Variants in PPP1R1C observed in about 807,000 individuals in gnomAD.
PPP1R1C encodes the protein protein phosphatase 1 regulatory subunit 1C.
A neutral mutation model predicts 17.4 loss-of-function variants in PPP1R1C; 15 were observed. The ratio of observed to expected loss-of-function variants is 0.86; its 90% CI spans 0.58 to 1.33. The LOEUF is 1.33. PPP1R1C is among the 40% of genes most tolerant of loss of function. The pLI, the probability that PPP1R1C is intolerant of heterozygous loss-of-function variation, is 0.00. For synonymous variants in PPP1R1C, 35 were observed against 43.1 expected (o/e 0.81, Z 0.73); for missense variants, 143 against 130.0 (o/e 1.10, Z -0.48).
chr2:182,121,644 C>T (rs1368843781), downstream of PPP1R1C, among the ~76,000 whole-genome samples: 4 of 151,978 alleles, frequency 2.6e-5, no homozygotes, highest in Non-Finnish European at 4.4e-5. Flanking sequence ...CCCACCACCA[C>T]GCCCAGCTGA....
At chr2:182,131,205 G>A (rs10188329), downstream of PPP1R1C, 3 of 133,586 alleles carry the variant, frequency 2.2e-5, no homozygotes, top group African/African-American at 9.5e-5. Context: ...TGAGCAGTGT[G>A]TGTGTGTGTT....
intron 2 of PPP1R1C, among the ~76,000 whole-genome samples, chr2:182,032,500 C>T (rs1686875349): frequency 6.6e-6 from 1 of 152,084 alleles, no homozygotes; most frequent in Non-Finnish European, 1.5e-5. Flanking sequence ...GGTTTTTGTT[C>T]ACTGGTATAT....
At chr2:182,062,563 C>T (rs1222721532) in intron 3 of PPP1R1C, among the ~76,000 whole-genome samples, 2 of 152,062 alleles carry the variant, frequency 1.3e-5, no homozygotes. Context: ...GTAGGTATCA[C>T]AAAACTCTAT....
chr2:182,032,546 GC>G (rs1324127146), intron 2 of PPP1R1C, among the ~76,000 whole-genome samples: 1 of 152,028 alleles, frequency 6.6e-6, no homozygotes, highest in African/African-American at 2.4e-5. Context: ...TACATAGTGG[GC>G]CCCACCACAT....
chr2:181,986,068 C>A lies in PPP1R1C; in HGVS notation c.-43C>A. The A allele has an allele frequency of 6.6e-7, 1 of 1,512,460 alleles. No homozygotes were observed. The highest frequency in any genetic ancestry group is 9.2e-7 in the Non-Finnish European group (1 of 1,087,408). The allele number at this position is 1,512,460 out of a possible 1,614,324, so 93.7% of individuals were successfully genotyped here. ...ATCCCGGACACCACTTAGGGTTAGT[C>A]TTTCTGAGCTCTTCACATCTCTGAC... On this transcript the variant is annotated 5_prime_UTR_variant, in exon 1 of 5. Transcript: ENST00000682840.
chr2:182,013,834 T>C (rs1686163345), intron 2 of PPP1R1C, among the ~76,000 whole-genome samples: 1 of 152,206 alleles, frequency 6.6e-6, no homozygotes, highest in Admixed American at 6.5e-5. Context: ...AGATATGTTT[T>C]TCAGTACATC....
chr2:182,004,540 G>T (rs1685859671), intron 2 of PPP1R1C, among the ~76,000 whole-genome samples: 1 of 152,188 alleles, frequency 6.6e-6, no homozygotes, highest in Non-Finnish European at 1.5e-5. Flanking sequence ...GAAAAGTAGA[G>T]GCAAAAGCCC....
In PPP1R1C at chr2:182,061,462, C is replaced by A. The variant is rs1574420090; in HGVS notation, c.163C>A (p.Pro55Thr). 1.4e-6 allele frequency: 2 copies of A among 1,467,752 alleles called. No homozygotes were observed. Among genetic ancestry groups the A allele is most frequent in the South Asian group, 1.4e-5 (1 of 72,172 alleles). 90.9% of individuals were successfully genotyped at this position (1,467,752 alleles called of 1,614,324 possible). ...NPPEIDDKRGPNTQGELQNAS... is the reference protein window; with the variant it reads ...NPPEIDDKRGTNTQGELQNAS... ...TACAGAAATAGATGACAAGAGGGGGCCCAACACACAAGGGGAAGTAAGTTT... is the reference window on the plus strand; with the variant it reads ...TACAGAAATAGATGACAAGAGGGGGACCAACACACAAGGGGAAGTAAGTTT... Residue 55 changes from proline (P) to threonine (T), a missense_variant, in exon 3 of 5, where the codon CCC (proline) becomes ACC (threonine). Coordinates refer to ENST00000682840, the MANE Select transcript of PPP1R1C (RefSeq NM_001080545.3).
intron 2 of PPP1R1C, among the ~76,000 whole-genome samples, chr2:181,990,150 T>C (rs1559047559): frequency 6.6e-6 from 1 of 150,938 alleles, no homozygotes; most frequent in Non-Finnish European, 1.5e-5. Context: ...TTTTCTTTCT[T>C]TTTTTTTTGA....
chr2:181,978,682 T>G (rs886960255), intron 2 of PPP1R1C, among the ~76,000 whole-genome samples: 3 of 152,124 alleles, frequency 2.0e-5, no homozygotes, highest in African/African-American at 7.2e-5. Flanking sequence ...GCATGGCCTT[T>G]TATGAACCAG....
At chr2:182,072,995 T>G (rs545120076) in intron 4 of PPP1R1C, among the ~76,000 whole-genome samples, 2 of 152,342 alleles carry the variant, frequency 1.3e-5, no homozygotes, top group Admixed American at 6.5e-5. Flanking sequence ...TCTTCACTCC[T>G]GTCCTGCCTT....
rs561183228 is a variant in PPP1R1C, at chr2:182,102,190, G to A, written c.242-15017G>A. On this transcript the variant is annotated intron_variant, in intron 4 of 4. Coordinates refer to ENST00000682840, the MANE Select transcript of PPP1R1C (RefSeq NM_001080545.3). ...AGTGTATGTGTGAAGTTTTATGAGAGACATGGAAAACATATTGTCAATAAA... is the reference window on the plus strand; with the variant it reads ...AGTGTATGTGTGAAGTTTTATGAGAAACATGGAAAACATATTGTCAATAAA... 3.1e-3 allele frequency among the ~76,000 whole-genome samples: 465 copies of A among 152,228 alleles called. 2 individuals are homozygous for A. The highest frequency in any genetic ancestry group is 5.1e-3 in the Non-Finnish European group (347 of 68,010).
intron 2 of PPP1R1C, among the ~76,000 whole-genome samples, chr2:182,010,111 T>C (rs1054550277): frequency 6.8e-6 from 1 of 146,118 alleles, no homozygotes; most frequent in Non-Finnish European, 1.5e-5. Context: ...AGCTCTTTTG[T>C]GATTCCTGTA....
In PPP1R1C at chr2:181,961,018, C is replaced by T. The variant is rs1574339353; in HGVS notation, n.111+6384C>T. Among the ~76,000 whole-genome samples, 1 of 152,084 alleles carries T rather than the reference C, an allele frequency of 6.6e-6. No homozygotes were observed. Among genetic ancestry groups the T allele is most frequent in the Non-Finnish European group, 1.5e-5 (1 of 68,016 alleles). On this transcript the variant is annotated intron_variant and non_coding_transcript_variant, in intron 1 of 5. Coordinates refer to the PPP1R1C transcript ENST00000464264. This position sits in a 1 kb window ranked among gnomAD's most constrained non-coding sequence, Gnocchi z 5.8. ...TGAGTGATTCTTGGAAGGTAAAGGG[C>T]AGATAAAATCACTTTGCTGGAGAAA...
intron 2 of PPP1R1C, among the ~76,000 whole-genome samples, chr2:182,054,364 AC>A (rs2125191123): frequency 6.6e-6 from 1 of 152,236 alleles, no homozygotes; most frequent in African/African-American, 2.4e-5. Context: ...AGATTTGTAT[AC>A]CTACTATGGC....
chr2:182,007,029 G>A (rs1685943890), intron 2 of PPP1R1C, among the ~76,000 whole-genome samples: 1 of 152,070 alleles, frequency 6.6e-6, no homozygotes, highest in Non-Finnish European at 1.5e-5. Flanking sequence ...GAGGACATAA[G>A]GGAATACTTA....
intron 3 of PPP1R1C, among the ~76,000 whole-genome samples, chr2:182,062,258 A>AACAC (rs1278625867): frequency 6.6e-6 from 1 of 152,118 alleles, no homozygotes; most frequent in Non-Finnish European, 1.5e-5. Context: ...AATTTTGTGA[A>AACAC]ACAGTAAAAG....
chr2:182,026,445 A>G (rs1360382044), intron 2 of PPP1R1C, among the ~76,000 whole-genome samples: 4 of 136,068 alleles, frequency 2.9e-5, no homozygotes, highest in African/African-American at 1.1e-4. Context: ...CAGTTTTCCC[A>G]GCACCATTTA....
chr2:182,037,608 A>T (rs145658263), intron 2 of PPP1R1C, among the ~76,000 whole-genome samples: 2,017 of 151,936 alleles, frequency 0.013, 18 homozygotes, highest in Non-Finnish European at 0.02. Context: ...AATGTGTAAA[A>T]CCAAGCAATT....
Sources: allele counts gnomAD v4.1 joint callset (sites outside exome capture counted in the v4.1 genomes callset), GRCh38; gene constraint gnomAD v4.1.1; non-coding constraint Gnocchi (gnomAD v3.1); transcripts MANE v1.5; gene names NCBI Gene and HGNC (gene_info 2026-07-23, HGNC 2026-07-21).